Variants in PLCH1 observed in about 807,000 individuals in gnomAD.
PLCH1 encodes the protein phospholipase C eta 1, also known as 1-phosphatidylinositol 4,5-bisphosphate phosphodiesterase eta-1.
A neutral mutation model predicts 126.7 loss-of-function variants in PLCH1; 60 were observed. That is an observed-to-expected ratio of 0.47 (90% CI 0.38 to 0.59). The LOEUF (loss-of-function observed/expected upper bound fraction) is 0.59, where lower values mean the gene tolerates loss of function less well. Ranked by LOEUF, PLCH1 falls within the 20% of genes least tolerant of loss-of-function variation. PLCH1 has a pLI of 0.00. For synonymous variants in PLCH1, 719 were observed against 734.9 expected, an observed-to-expected ratio of 0.98 and a Z score of 0.35; for missense variants, 1,723 against 2,040.0, an observed-to-expected ratio of 0.84 and a Z score of 2.99.
chr3:155,735,327 T>C (rs1453022082), intron 1 of PLCH1, among the ~76,000 whole-genome samples: 8 of 152,074 alleles, frequency 5.3e-5, no homozygotes, highest in Admixed American at 5.2e-4. Context: ...TAACAATGTA[T>C]TTTATTCTTA....
At position 155,706,344 on chromosome 3, in the gene PLCH1, AGGT is replaced by A. The variant is rs544059222; in HGVS notation, c.-40-2083_-40-2081del. ...TACTAAAAATACAAAAAATTAGGCC[AGGT>A]GCGGTGGCTCACACCTGTAATCCCA... On this transcript the variant is annotated intron_variant, in intron 1 of 22. Coordinates refer to ENST00000460012, the MANE Select transcript of PLCH1 (RefSeq NM_014996.4). Among the ~76,000 whole-genome samples the A allele has an allele frequency of 2.9e-3, 436 of 151,418 alleles. 2 individuals carry two copies. Among genetic ancestry groups the A allele is most frequent in the African/African-American group, 9.8e-3 (406 of 41,284 alleles).
At chr3:155,530,159 A>G (rs1025575481) in intron 10 of PLCH1, among the ~76,000 whole-genome samples, 1 of 152,186 alleles carries the variant, frequency 6.6e-6, no homozygotes, top group African/African-American at 2.4e-5. Flanking sequence ...CATTTTACCT[A>G]CAGTAGAACT....
chr3:155,620,026 G>A (rs1736267489), intron 2 of PLCH1, among the ~76,000 whole-genome samples: 1 of 152,118 alleles, frequency 6.6e-6, no homozygotes, highest in Admixed American at 6.5e-5. Context: ...GAGTAACTAA[G>A]TGTTCATCAC....
intron 4 of PLCH1, among the ~76,000 whole-genome samples, chr3:155,592,443 C>T (rs1463456637): frequency 6.6e-6 from 1 of 150,616 alleles, no homozygotes; most frequent in Non-Finnish European, 1.5e-5. Flanking sequence ...TGCAGTGAGC[C>T]GAGATTGTGC....
At chr3:155,586,579 C>T (rs1439050910) in intron 4 of PLCH1, among the ~76,000 whole-genome samples, 1 of 151,892 alleles carries the variant, frequency 6.6e-6, no homozygotes, top group African/African-American at 2.4e-5. Flanking sequence ...TGGTGGCAGG[C>T]GCCTGTAATC....
At chr3:155,681,618 C>T (rs918960395) in intron 2 of PLCH1, among the ~76,000 whole-genome samples, 2 of 152,152 alleles carry the variant, frequency 1.3e-5, no homozygotes, top group Non-Finnish European at 1.5e-5. Context: ...AACAGAGCAA[C>T]CAGAGCTTAA....
chr3:155,553,941 G>A, intron 9 of PLCH1, 135 bp downstream of exon 9: 1 of 659,210 alleles, frequency 1.5e-6, no homozygotes, highest in African/African-American at 1.8e-5. Flanking sequence ...TTGCTGAGAA[G>A]GAGGGAGAAA....
intron 11 of PLCH1, among the ~76,000 whole-genome samples, chr3:155,523,647 A>T (rs1186603345): frequency 6.6e-6 from 1 of 152,240 alleles, no homozygotes; most frequent in Non-Finnish European, 1.5e-5. Context: ...TAGGAAATTT[A>T]TCCCTGGAGA....
In PLCH1 at chr3:155,545,499, A is replaced by G. The variant is rs1576973912; in HGVS notation, c.1362+4288T>C. Among the ~76,000 whole-genome samples the G allele has an allele frequency of 3.3e-5, 5 of 150,018 alleles. No homozygotes were observed. In the South Asian group the frequency reaches 1.1e-3, roughly 32 times the overall value. On this transcript the variant is annotated intron_variant, in intron 10 of 22. Coordinates refer to ENST00000460012, the MANE Select transcript of PLCH1 (RefSeq NM_014996.4). Reference sequence around the variant, plus strand: ...TACCATTCCTTCTGAAACTATTCCAATCAATAGAAAAAGAGGGAATCCTCC... The same window carrying G: ...TACCATTCCTTCTGAAACTATTCCAGTCAATAGAAAAAGAGGGAATCCTCC...
Position 155,722,441 on chromosome 3 carries a change from C to A in PLCH1, c.-40-18177G>T, listed in dbSNP as rs77079641. Among the ~76,000 whole-genome samples the A allele has an allele frequency of 2.6e-5, 4 of 152,246 alleles. No homozygotes were observed. In the East Asian group the frequency reaches 7.7e-4, roughly 29 times the overall value. On this transcript the variant is annotated intron_variant, in intron 1 of 22. Coordinates refer to ENST00000460012, the MANE Select transcript of PLCH1 (RefSeq NM_014996.4). ...CCTCCCAAAGTGCTGGGATTACAGG[C>A]GTGAGCCACTGTGCCTGGCCTAGAT...
chr3:155,676,324 G>T, intron 2 of PLCH1: 1 of 1,102,414 alleles, frequency 9.1e-7, no homozygotes. Flanking sequence ...TCTGCTCGGG[G>T]CTGCCGCTAT....
At chr3:155,730,545 T>C (rs358713) in intron 1 of PLCH1, among the ~76,000 whole-genome samples, 16,651 of 152,258 alleles carry the variant, frequency 0.11, 1,407 homozygotes, top group East Asian at 0.39. Flanking sequence ...CCTTCCAAAG[T>C]GCTGAGATTA....
At chr3:155,478,280 A>T (rs1231204912), downstream of PLCH1, among the ~76,000 whole-genome samples, 4 of 152,156 alleles carry the variant, frequency 2.6e-5, no homozygotes, top group Admixed American at 1.3e-4. Flanking sequence ...GGAGGTGAAG[A>T]TGGCTAATTA....
chr3:155,550,912 TCTC>T (rs1726024474), intron 9 of PLCH1, among the ~76,000 whole-genome samples: 1 of 152,140 alleles, frequency 6.6e-6, no homozygotes, highest in Admixed American at 6.5e-5. Context: ...ACCTACCTTC[TCTC>T]CTCATTAGTA....
chr3:155,743,944 C>T (rs1230682482), intron 1 of PLCH1, among the ~76,000 whole-genome samples: 2 of 152,088 alleles, frequency 1.3e-5, no homozygotes, highest in Admixed American at 6.5e-5. Context: ...GCCCTAATAA[C>T]TAATCTCTCA....
intron 2 of PLCH1, among the ~76,000 whole-genome samples, chr3:155,631,099 G>T (rs1280470763): frequency 1.3e-5 from 2 of 151,886 alleles, no homozygotes; most frequent in African/African-American, 4.8e-5. Context: ...AAATCAAACT[G>T]GTCCACATTT....
intron 1 of PLCH1, among the ~76,000 whole-genome samples, chr3:155,740,799 C>T (rs1460473243): frequency 6.6e-6 from 1 of 152,288 alleles, no homozygotes; most frequent in Middle Eastern, 3.4e-3. Flanking sequence ...CGTTGTCATC[C>T]CCATTCTGCC....
intron 1 of PLCH1, among the ~76,000 whole-genome samples, chr3:155,724,120 T>C (rs1221245912): frequency 1.3e-5 from 2 of 152,184 alleles, no homozygotes; most frequent in African/African-American, 2.4e-5. Context: ...TTGCTATAAT[T>C]TCAATTTTCT....
intron 6 of PLCH1, among the ~76,000 whole-genome samples, chr3:155,580,823 T>G (rs964628163): frequency 6.6e-6 from 1 of 152,200 alleles, no homozygotes; most frequent in African/African-American, 2.4e-5. Context: ...AAAAGCATGT[T>G]GTTTTACTTC....
Sources: allele counts gnomAD v4.1 joint callset (sites outside exome capture counted in the v4.1 genomes callset), GRCh38; gene constraint gnomAD v4.1.1; transcripts MANE v1.5; gene names NCBI Gene and HGNC (gene_info 2026-07-23, HGNC 2026-07-21).